Variants in FHOD3 observed in about 807,000 individuals in gnomAD.
The protein encoded by FHOD3 is formin homology 2 domain containing 3.
FHOD3 carries 90 observed loss-of-function variants against 173.0 expected under a neutral mutation model. The ratio of observed to expected loss-of-function variants is 0.52; its 90% CI spans 0.44 to 0.62. FHOD3 has a LOEUF of 0.62. Ranked by LOEUF, FHOD3 falls within the 20% of genes least tolerant of loss-of-function variation. The pLI, the probability that FHOD3 is intolerant of heterozygous loss-of-function variation, is 0.00. For synonymous variants in FHOD3, 828 were observed against 823.0 expected (o/e 1.01, Z -0.10); for missense variants, 1,945 against 2,034.7 (o/e 0.96, Z 0.85).
chr18:36,631,520 C>G (rs2034511952), intron 10 of FHOD3, among the ~76,000 whole-genome samples: 1 of 152,218 alleles, frequency 6.6e-6, no homozygotes, highest in African/African-American at 2.4e-5. Context: ...GTAACAGCCA[C>G]AACAACAGCT....
chr18:36,572,926 T>G (rs889495524), intron 5 of FHOD3, among the ~76,000 whole-genome samples: 2 of 151,900 alleles, frequency 1.3e-5, no homozygotes, highest in African/African-American at 4.8e-5. Context: ...TGGAGCAAAC[T>G]CCTCTTCCAT....
chr18:36,662,795 G>A (rs1259682709), intron 14 of FHOD3, among the ~76,000 whole-genome samples: 2 of 152,158 alleles, frequency 1.3e-5, no homozygotes, highest in Non-Finnish European at 2.9e-5. Context: ...ACTATGTTAT[G>A]TAGGAGAGCT....
intron 8 of FHOD3, among the ~76,000 whole-genome samples, chr18:36,609,155 G>A (rs1382956310): frequency 6.6e-6 from 1 of 152,252 alleles, no homozygotes; most frequent in Non-Finnish European, 1.5e-5. Context: ...GGGATACCAA[G>A]TGTCAGGCAG....
chr18:36,477,529 A>ATCCACCCC (rs2053640398), intron 3 of FHOD3, among the ~76,000 whole-genome samples: 1 of 103,626 alleles, frequency 9.7e-6, no homozygotes, highest in African/African-American at 4.4e-5. Context: ...CCATCCATCC[A>ATCCACCCC]CCCACCCACC....
chr18:36,536,397 G>A (rs915871081), intron 5 of FHOD3, among the ~76,000 whole-genome samples: 4 of 152,104 alleles, frequency 2.6e-5, no homozygotes, highest in African/African-American at 7.2e-5. Flanking sequence ...AATAAGTCTT[G>A]GTGACTTCCT....
chr18:36,615,031 G>A (rs1310530620), intron 9 of FHOD3, among the ~76,000 whole-genome samples: 1 of 151,696 alleles, frequency 6.6e-6, no homozygotes, highest in Non-Finnish European at 1.5e-5. Context: ...TGTGTTTTTG[G>A]TAGAGATGGG....
intron 1 of FHOD3, among the ~76,000 whole-genome samples, chr18:36,332,528 A>G (rs1211913844): frequency 6.6e-6 from 1 of 152,240 alleles, no homozygotes. Context: ...TGGTTCTGGC[A>G]GTGTCAACTC....
chr18:36,447,148 A>G (rs969805340), intron 3 of FHOD3, among the ~76,000 whole-genome samples: 1 of 152,206 alleles, frequency 6.6e-6, no homozygotes, highest in Non-Finnish European at 1.5e-5. Context: ...TCCTCAAACC[A>G]CAACCTCCAG....
At chr18:36,326,644 C>T (rs147192129) in intron 1 of FHOD3, among the ~76,000 whole-genome samples, 2 of 151,886 alleles carry the variant, frequency 1.3e-5, no homozygotes, top group East Asian at 1.9e-4. Flanking sequence ...CGCAGGTACT[C>T]GGAGGCTGAG....
At chr18:36,433,194 A>G (rs1158408222) in intron 3 of FHOD3, among the ~76,000 whole-genome samples, 1 of 152,214 alleles carries the variant, frequency 6.6e-6, no homozygotes, top group Non-Finnish European at 1.5e-5. Flanking sequence ...ACCTAGTCAC[A>G]ATGATGATAT....
intron 10 of FHOD3, among the ~76,000 whole-genome samples, chr18:36,639,662 CAA>C (rs565028489): frequency 6.4e-5 from 5 of 77,842 alleles, no homozygotes; most frequent in South Asian, 4.5e-4. Context: ...GACTCCATCT[CAA>C]AAAAAAAAAA....
At chr18:36,438,663 C>G (rs1394410639) in intron 3 of FHOD3, among the ~76,000 whole-genome samples, 1 of 152,210 alleles carries the variant, frequency 6.6e-6, no homozygotes, top group East Asian at 1.9e-4. Flanking sequence ...ACATATTGCT[C>G]AGGTATGGAG....
chr18:36,630,686 A>G (rs1456137719), intron 10 of FHOD3, among the ~76,000 whole-genome samples: 1 of 152,218 alleles, frequency 6.6e-6, no homozygotes, highest in Non-Finnish European at 1.5e-5. Context: ...TCTCACCAGA[A>G]ATGTTCAAGT....
chr18:36,350,474 A>G (rs1294577430), intron 1 of FHOD3, among the ~76,000 whole-genome samples: 1 of 152,142 alleles, frequency 6.6e-6, no homozygotes, highest in Non-Finnish European at 1.5e-5. Context: ...GCTTTGTCTT[A>G]TGTCCTGAAG....
At chr18:36,634,532 C>G (rs1208035574) in intron 10 of FHOD3, among the ~76,000 whole-genome samples, 1 of 152,098 alleles carries the variant, frequency 6.6e-6, no homozygotes, top group Non-Finnish European at 1.5e-5. Context: ...AATGAGCAAT[C>G]TATTTGCAAG....
At chr18:36,649,260 C>G (rs1289406188) in intron 10 of FHOD3, 56 bp from the exon 11 acceptor site, 1 of 1,267,078 alleles carries the variant, frequency 7.9e-7, no homozygotes, top group Non-Finnish European at 1.1e-6. Context: ...CTGTAATGCT[C>G]ATCTCACTTT....
chr18:36,481,963 T>A lies in FHOD3; in HGVS notation c.338-19969T>A, dbSNP rs59907764. On this transcript the variant is annotated intron_variant, in intron 3 of 28. Transcript: ENST00000590592. ...AAAGGGAGCTTGTTATGGGTTAGAG[T>A]TTTAAGGAATTAGGCAGAAGGTATG... Among the ~76,000 whole-genome samples the A allele has an allele frequency of 6.3e-3, 954 of 152,196 alleles. 5 individuals are homozygous for A. The highest frequency in any genetic ancestry group is 0.022 in the African/African-American group (899 of 41,522).
intron 7 of FHOD3, among the ~76,000 whole-genome samples, chr18:36,598,752 T>C (rs1221482185): frequency 6.6e-6 from 1 of 152,132 alleles, no homozygotes; most frequent in East Asian, 1.9e-4. Context: ...GGTTTCACTG[T>C]GTTAGCCAGG....
chr18:36,538,449 A>T (rs2057078449), intron 5 of FHOD3, among the ~76,000 whole-genome samples: 1 of 152,224 alleles, frequency 6.6e-6, no homozygotes, highest in Non-Finnish European at 1.5e-5. Context: ...AGAAAGACAC[A>T]AATCATTAAT....
Sources: allele counts gnomAD v4.1 joint callset (sites outside exome capture counted in the v4.1 genomes callset), GRCh38; gene constraint gnomAD v4.1.1; transcripts MANE v1.5; gene names NCBI Gene and HGNC (gene_info 2026-07-23, HGNC 2026-07-21).